The following CSMD2 variants were observed in gnomAD, a reference collection of about 807,000 sequenced individuals.
CSMD2 encodes CUB and Sushi multiple domains 2.
CSMD2 carries 130 observed loss-of-function variants against 398.5 expected under a neutral mutation model. The ratio of observed to expected loss-of-function variants is 0.33; its 90% CI spans 0.28 to 0.38. The LOEUF (loss-of-function observed/expected upper bound fraction) is 0.38. CSMD2 is among the 10% of genes least tolerant of loss of function. The pLI, the probability that CSMD2 is intolerant of heterozygous loss-of-function variation, is 1.00. For missense variants in CSMD2, 3,829 were observed against 4,764.9 expected (o/e 0.80, Z 5.78); for synonymous variants, 1,828 against 1,908.5 (o/e 0.96, Z 1.10).
intron 25 of CSMD2, among the ~76,000 whole-genome samples, chr1:33,682,089 A>G (rs1644925845): frequency 1.3e-5 from 2 of 152,200 alleles, no homozygotes; most frequent in Admixed American, 6.5e-5. Flanking sequence ...CTCCCTCTGG[A>G]AGCTCCAGAA....
At chr1:33,868,417 C>A (rs1005094776) in intron 5 of CSMD2, among the ~76,000 whole-genome samples, 1 of 152,190 alleles carries the variant, frequency 6.6e-6, no homozygotes, top group East Asian at 1.9e-4. Context: ...CTCTCACGTT[C>A]CGGTGAGGAG....
intron 13 of CSMD2, among the ~76,000 whole-genome samples, chr1:33,749,023 A>C (rs1032205790): frequency 6.6e-6 from 1 of 151,964 alleles, no homozygotes; most frequent in Non-Finnish European, 1.5e-5. Context: ...ATCACTTAAA[A>C]ATTCATAAAA....
chr1:34,033,047 C>T (rs2148156848), intron 2 of CSMD2, among the ~76,000 whole-genome samples: 2 of 152,310 alleles, frequency 1.3e-5, no homozygotes, highest in Middle Eastern at 6.8e-3. Context: ...CATGAGTTTA[C>T]AACTAACAAT....
Position 33,633,628 on chromosome 1 carries a change from A to C in CSMD2, c.5087-93T>G. 2 of 903,454 alleles carry C rather than the reference A, an allele frequency of 2.2e-6. No individual in the cohort carries two copies. Among genetic ancestry groups the C allele is most frequent in the Non-Finnish European group, 3.5e-6 (2 of 566,304 alleles). 56.0% of individuals were successfully genotyped at this position (903,454 alleles called of 1,614,324 possible). ...TAGGGGCCCAAGCCAGGAGGAGGGC[A>C]GCCCTGGGGAAGTTGTTGGTTCCTG... On this transcript the variant is annotated intron_variant, in intron 31 of 70. Transcript: ENST00000373381. The surrounding 1 kb of genome is among the most constrained non-coding windows in gnomAD (Gnocchi z 5.0).
At chr1:34,133,747 A>G (rs1271943975) in intron 1 of CSMD2, among the ~76,000 whole-genome samples, 1 of 151,970 alleles carries the variant, frequency 6.6e-6, no homozygotes, top group African/African-American at 2.4e-5. Context: ...AGTCAAAGAG[A>G]GCATGCCCAA....
chr1:33,900,619 A>G (rs774786401), intron 5 of CSMD2, among the ~76,000 whole-genome samples: 1 of 152,300 alleles, frequency 6.6e-6, no homozygotes, highest in East Asian at 1.9e-4. Context: ...TCTACTAAAA[A>G]TACAAATAAA....
intron 13 of CSMD2, among the ~76,000 whole-genome samples, chr1:33,754,410 G>A (rs1027583923): frequency 3.3e-5 from 5 of 152,144 alleles, no homozygotes; most frequent in African/African-American, 1.2e-4. Context: ...TGCCATAATT[G>A]TAAGCTTCCT....
chr1:33,773,155 C>T (rs1429393539), intron 12 of CSMD2, among the ~76,000 whole-genome samples: 1 of 152,052 alleles, frequency 6.6e-6, no homozygotes, highest in African/African-American at 2.4e-5. Flanking sequence ...TTGGAGACTT[C>T]CTCACTGAAC....
intron 3 of CSMD2, among the ~76,000 whole-genome samples, chr1:33,964,265 G>C (rs1319650140): frequency 2.0e-5 from 3 of 152,158 alleles, no homozygotes; most frequent in Non-Finnish European, 4.4e-5. Context: ...AATGTGTTCA[G>C]CTATAACATG....
intron 22 of CSMD2, among the ~76,000 whole-genome samples, chr1:33,702,075 A>G (rs1645629941): frequency 1.3e-5 from 2 of 152,214 alleles, no homozygotes; most frequent in Admixed American, 1.3e-4. Context: ...ATACGAAATG[A>G]TACCCTGTGA....
At chr1:34,059,087 G>C (rs957486038) in intron 2 of CSMD2, among the ~76,000 whole-genome samples, 5 of 152,188 alleles carry the variant, frequency 3.3e-5, no homozygotes, top group Non-Finnish European at 7.3e-5. Context: ...ACACAAGTAA[G>C]TGAGCAATGA....
chr1:33,568,420 C>T (rs747008875), intron 52 of CSMD2, among the ~76,000 whole-genome samples: 9 of 152,148 alleles, frequency 5.9e-5, no homozygotes, highest in Non-Finnish European at 8.8e-5. Context: ...CTCCTGGCCT[C>T]AAATGATCCA....
intron 27 of CSMD2, among the ~76,000 whole-genome samples, chr1:33,657,254 C>A (rs1643974078): frequency 6.6e-6 from 1 of 152,018 alleles, no homozygotes; most frequent in African/African-American, 2.4e-5. Flanking sequence ...TCACTTGAGC[C>A]CAGGAGTTCC....
intron 3 of CSMD2, among the ~76,000 whole-genome samples, chr1:34,019,618 C>G (rs1648602848): frequency 6.6e-6 from 1 of 152,192 alleles, no homozygotes; most frequent in Non-Finnish European, 1.5e-5. Context: ...GTGGTCCCTG[C>G]TTTGCCTCCT....
chr1:33,582,526 A>G (rs1638796666), intron 47 of CSMD2, among the ~76,000 whole-genome samples: 1 of 152,204 alleles, frequency 6.6e-6, no homozygotes, highest in African/African-American at 2.4e-5. Context: ...ACCCCGCACA[A>G]TGACAATAAT....
intron 1 of CSMD2, among the ~76,000 whole-genome samples, chr1:34,101,637 TC>T (rs1659953745): frequency 6.6e-6 from 1 of 152,238 alleles, no homozygotes; most frequent in South Asian, 2.1e-4. Context: ...AGATTCAACA[TC>T]TTTTTCACTT....
intron 25 of CSMD2, 41 bp from the exon 26 acceptor site, chr1:33,663,133 C>G (rs1644194528): frequency 6.4e-7 from 1 of 1,571,380 alleles, no homozygotes; most frequent in Non-Finnish European, 8.7e-7. Context: ...GGACTCAGCC[C>G]TTCTTTCCAG....
chr1:33,908,319 A>AC (rs1246794725), intron 5 of CSMD2, among the ~76,000 whole-genome samples: 3 of 152,202 alleles, frequency 2.0e-5, no homozygotes, highest in Non-Finnish European at 4.4e-5. Context: ...GAATGAAGCA[A>AC]CATCATTCCA....
rs1276236524 is a variant in CSMD2 at position 33,714,762 on chromosome 1, C to T, written c.3231G>A (p.Glu1077=). Reference sequence around the variant, plus strand: ...CTGGGACCTCGGGCTCCTCACAGGGCTCCAAGTCGTACTCTGGAAAGGTAG... The same window carrying T: ...CTGGGACCTCGGGCTCCTCACAGGGTTCCAAGTCGTACTCTGGAAAGGTAG... The part of the protein sequence containing the change: ...FNITFSEYDL[E]PCEEPEVPAY... The change falls in exon 21 of 71, where the codon GAG becomes GAA. Residue 1077 remains glutamate (E), a synonymous_variant. Transcript: ENST00000373381. 5 of 1,613,950 alleles carry T rather than the reference C, an allele frequency of 3.1e-6. No individual in the cohort carries two copies. In the African/African-American group the frequency reaches 6.7e-5, roughly 22 times the overall value.
Sources: allele counts gnomAD v4.1 joint callset (sites outside exome capture counted in the v4.1 genomes callset), GRCh38; gene constraint gnomAD v4.1.1; non-coding constraint Gnocchi (gnomAD v3.1); transcripts MANE v1.5; gene names NCBI Gene and HGNC (gene_info 2026-07-23, HGNC 2026-07-21).